The following RPS6KC1 variants were observed in gnomAD, a reference collection of about 807,000 sequenced individuals.
RPS6KC1 encodes ribosomal protein S6 kinase C1.
In RPS6KC1, 54 loss-of-function variants were observed where a neutral mutation model predicts 103.8. That is an observed-to-expected ratio of 0.52 (90% CI 0.42 to 0.65). The LOEUF (loss-of-function observed/expected upper bound fraction) is 0.65, where lower values mean the gene tolerates loss of function less well. Ranked by LOEUF, RPS6KC1 falls within the 30% of genes least tolerant of loss-of-function variation. RPS6KC1 has a pLI of 0.00. For missense variants in RPS6KC1, 1,151 were observed against 1,253.8 expected, an observed-to-expected ratio of 0.92 and a Z score of 1.24; for synonymous variants, 439 against 438.7, an observed-to-expected ratio of 1.00 and a Z score of -0.01.
chr1:213,830,669 C>CT, the RPS6KC1 span, among the ~76,000 whole-genome samples: 3 of 132,470 alleles, frequency 2.3e-5, no homozygotes, highest in Admixed American at 8.0e-5. Flanking sequence ...ATGTCACATT[C>CT]TTTAAAAAAA....
At chr1:213,711,107 T>C in the RPS6KC1 span, among the ~76,000 whole-genome samples, 1 of 152,220 alleles carries the variant, frequency 6.6e-6, no homozygotes. Context: ...ATCCCAAGTA[T>C]GTTTTCCAAC....
chr1:213,802,674 T>G, the RPS6KC1 span, among the ~76,000 whole-genome samples: 1 of 152,254 alleles, frequency 6.6e-6, no homozygotes, highest in South Asian at 2.1e-4. Flanking sequence ...AGTAATGTGA[T>G]GCTTTTCCTC....
intron 1 of RPS6KC1, among the ~76,000 whole-genome samples, chr1:213,069,646 G>A (rs1307857021): frequency 6.6e-6 from 1 of 152,032 alleles, no homozygotes; most frequent in East Asian, 1.9e-4. Context: ...ACACTCCTAG[G>A]CAACCATTTT....
At chr1:213,761,148 A>G in the RPS6KC1 span, among the ~76,000 whole-genome samples, 2 of 151,998 alleles carry the variant, frequency 1.3e-5, no homozygotes, top group Non-Finnish European at 2.9e-5. Context: ...CTTCTCATCA[A>G]GCAAAAACCT....
the RPS6KC1 span, among the ~76,000 whole-genome samples, chr1:213,488,098 T>A: frequency 4.5e-4 from 69 of 152,344 alleles, no homozygotes; most frequent in African/African-American, 1.6e-3. Flanking sequence ...ATATCTTTCT[T>A]CTATAACACT....
At chr1:213,789,039 C>G in the RPS6KC1 span, among the ~76,000 whole-genome samples, 3 of 152,110 alleles carry the variant, frequency 2.0e-5, no homozygotes, top group South Asian at 6.2e-4. Flanking sequence ...CGGCCAGGCT[C>G]CTGACAGCCA....
the RPS6KC1 span, among the ~76,000 whole-genome samples, chr1:213,775,316 G>T: frequency 6.6e-6 from 1 of 152,076 alleles, no homozygotes; most frequent in Non-Finnish European, 1.5e-5. Flanking sequence ...ATGAGTTATT[G>T]TTGGGCAGGG....
At chr1:213,631,232 T>C in the RPS6KC1 span, among the ~76,000 whole-genome samples, 1 of 152,070 alleles carries the variant, frequency 6.6e-6, no homozygotes, top group African/African-American at 2.4e-5. Context: ...ACCCACTGTC[T>C]GTCACTCCTC....
the RPS6KC1 span, among the ~76,000 whole-genome samples, chr1:213,298,182 G>A: frequency 1.6e-4 from 24 of 152,290 alleles, no homozygotes; most frequent in African/African-American, 5.3e-4. Context: ...CCACACCTTC[G>A]TCTTCTACGT....
At chr1:213,492,632 G>A in the RPS6KC1 span, 2 of 152,236 alleles carry the variant, frequency 1.3e-5, no homozygotes, top group African/African-American at 4.8e-5. Flanking sequence ...CACTTGTGGT[G>A]TTTGAATGTC....
At chr1:213,288,409 G>C in the RPS6KC1 span, among the ~76,000 whole-genome samples, 1 of 152,154 alleles carries the variant, frequency 6.6e-6, no homozygotes, top group Non-Finnish European at 1.5e-5. Context: ...TAGACAAAAG[G>C]ATGAACCAAC....
At chr1:213,580,928 G>A in the RPS6KC1 span, among the ~76,000 whole-genome samples, 3 of 152,010 alleles carry the variant, frequency 2.0e-5, no homozygotes, top group Non-Finnish European at 4.4e-5. Flanking sequence ...GTTGCAATTT[G>A]CTTTATTGTG....
the RPS6KC1 span, among the ~76,000 whole-genome samples, chr1:213,542,571 T>C: frequency 6.6e-6 from 1 of 152,178 alleles, no homozygotes; most frequent in Admixed American, 6.5e-5. Context: ...TCATTCTCCA[T>C]GTGTGAGGCA....
At chr1:213,554,007 T>G in the RPS6KC1 span, among the ~76,000 whole-genome samples, 1 of 152,204 alleles carries the variant, frequency 6.6e-6, no homozygotes, top group Non-Finnish European at 1.5e-5. Context: ...TAATTTCTTT[T>G]GCTTTGCAAA....
the RPS6KC1 span, among the ~76,000 whole-genome samples, chr1:213,406,451 C>T: frequency 1.3e-5 from 2 of 151,936 alleles, no homozygotes; most frequent in Admixed American, 1.3e-4. Context: ...TGTGACTAGC[C>T]ACATGAACTA....
the RPS6KC1 span, among the ~76,000 whole-genome samples, chr1:213,793,870 TTGTGTGTGTGTTTTG>T: frequency 1.3e-5 from 2 of 152,106 alleles, no homozygotes; most frequent in African/African-American, 2.4e-5. Context: ...AAGGGTTTTT[TTGTGTGTGTGTTTTG>T]TGTGTGTGTG....
At chr1:213,277,747 G>A (rs1258577537), downstream of RPS6KC1, among the ~76,000 whole-genome samples, 1 of 152,352 alleles carries the variant, frequency 6.6e-6, no homozygotes, top group East Asian at 1.9e-4. Context: ...GAGTGTTTGC[G>A]AAGGGCTGTT....
intron 10 of RPS6KC1, among the ~76,000 whole-genome samples, chr1:213,236,692 T>C (rs1241136677): frequency 3.3e-5 from 5 of 152,090 alleles, no homozygotes; most frequent in African/African-American, 1.2e-4. Flanking sequence ...ATACTTGGTA[T>C]TTAGAAGGTG....
the RPS6KC1 span, among the ~76,000 whole-genome samples, chr1:213,671,811 AAAAC>A: frequency 6.6e-6 from 1 of 152,174 alleles, no homozygotes; most frequent in African/African-American, 2.4e-5. Flanking sequence ...CAAGAAAACA[AAAAC>A]AAAGAAATGA....
Sources: gnomAD v4.1 joint callset for allele counts (sites outside exome capture counted in the v4.1 genomes callset) on GRCh38, gnomAD v4.1.1 for gene constraint, MANE v1.5 for transcripts, NCBI Gene and HGNC (gene_info 2026-07-23, HGNC 2026-07-21) for gene names.